RBFOX3: variants seen among roughly 807,000 people sequenced by gnomAD.
RBFOX3 encodes the protein RNA binding fox-1 homolog 3.
In RBFOX3, 17 loss-of-function variants were observed where a neutral mutation model predicts 48.7. The observed-to-expected ratio is 0.35, with a 90% CI of 0.24 to 0.52. The LOEUF (loss-of-function observed/expected upper bound fraction) is 0.52. RBFOX3 is among the 20% of genes least tolerant of loss of function. The pLI, the probability that RBFOX3 is intolerant of heterozygous loss-of-function variation, is 0.94. For synonymous variants in RBFOX3, 212 were observed against 209.5 expected, an observed-to-expected ratio of 1.01 and a Z score of -0.10; for missense variants, 382 against 497.5, an observed-to-expected ratio of 0.77 and a Z score of 2.21.
In RBFOX3 at chr17:79,120,779, C is replaced by T. The variant is rs140699269; in HGVS notation, c.-33-5031G>A. Among the ~76,000 whole-genome samples the T allele has an allele frequency of 9.7e-3, 1,464 of 151,288 alleles. 20 individuals carry two copies. Among genetic ancestry groups the T allele is most frequent in the South Asian group, 0.032 (154 of 4,798 alleles). ...ATGGATAGATGGGTGGATGGATAGA[C>T]GGATGAGTTTAAAGACCATGGATAA... On this transcript the variant is annotated intron_variant, in intron 4 of 14. Transcript: ENST00000693108.
intron 3 of RBFOX3, among the ~76,000 whole-genome samples, chr17:79,247,975 C>T (rs1232965618): frequency 1.3e-5 from 2 of 151,732 alleles, no homozygotes; most frequent in Non-Finnish European, 2.9e-5. Flanking sequence ...GAAACAGAGC[C>T]ACCCTTAGCA....
the RBFOX3 span, among the ~76,000 whole-genome samples, chr17:79,619,496 TCTC>T: frequency 2.6e-5 from 4 of 152,152 alleles, no homozygotes; most frequent in Non-Finnish European, 5.9e-5. Flanking sequence ...CATGCAGCCT[TCTC>T]CTCTGCCCTT....
At chr17:79,664,432 G>GC in the RBFOX3 span, among the ~76,000 whole-genome samples, 1 of 150,964 alleles carries the variant, frequency 6.6e-6, no homozygotes. Context: ...TGCAGGCTCC[G>GC]CCCCCCGGGG....
chr17:79,517,780 ATCAGGAAATT>A (rs2085467490), intron 1 of RBFOX3, among the ~76,000 whole-genome samples: 1 of 152,168 alleles, frequency 6.6e-6, no homozygotes, highest in Admixed American at 6.5e-5. Flanking sequence ...CGACGGAAAC[ATCAGGAAATT>A]TCCGCTTCTG....
chr17:79,361,608 C>A lies in RBFOX3; in HGVS notation c.-174-53784G>T, dbSNP rs923876913. ...AGGGCTTCCCTAAGGGACATGCCAGCCCACGTCCATCTCTCCTCCTCCTCC... is the reference window on the plus strand; with the variant it reads ...AGGGCTTCCCTAAGGGACATGCCAGACCACGTCCATCTCTCCTCCTCCTCC... On this transcript the variant is annotated intron_variant, in intron 2 of 14. Transcript: ENST00000693108. This position sits in a 1 kb window ranked among gnomAD's most constrained non-coding sequence, Gnocchi z 4.5. Among the ~76,000 whole-genome samples the A allele has an allele frequency of 2.0e-5, 3 of 152,178 alleles. No homozygotes were observed. Among genetic ancestry groups the A allele is most frequent in the Admixed American group, 2.0e-4 (3 of 15,290 alleles).
chr17:79,208,998 T>G (rs919350732), intron 4 of RBFOX3, among the ~76,000 whole-genome samples: 2 of 152,078 alleles, frequency 1.3e-5, no homozygotes, highest in African/African-American at 4.8e-5. Flanking sequence ...TGTACTTTTT[T>G]TTAGTAGAGA....
chr17:79,554,143 A>G (rs1461821834), intron 1 of RBFOX3, among the ~76,000 whole-genome samples: 1 of 152,128 alleles, frequency 6.6e-6, no homozygotes, highest in South Asian at 2.1e-4. Context: ...GCCCATTATT[A>G]TTATATTAGT....
intron 1 of RBFOX3, among the ~76,000 whole-genome samples, chr17:79,527,166 G>T (rs2086909011): frequency 6.6e-6 from 1 of 152,268 alleles, no homozygotes; most frequent in African/African-American, 2.4e-5. Context: ...CCAGACAAAG[G>T]AGAATCCTTT....
chr17:79,295,060 C>T (rs1248384027), intron 3 of RBFOX3, among the ~76,000 whole-genome samples: 1 of 152,134 alleles, frequency 6.6e-6, no homozygotes, highest in Non-Finnish European at 1.5e-5. Context: ...TCTAGCTTGC[C>T]TTTCCTAACG....
intron 2 of RBFOX3, among the ~76,000 whole-genome samples, chr17:79,434,044 A>C (rs2068947692): frequency 2.0e-5 from 3 of 152,216 alleles, no homozygotes; most frequent in Non-Finnish European, 2.9e-5. Flanking sequence ...AACACTGGAC[A>C]GCTGTGTTGC....
intron 1 of RBFOX3, among the ~76,000 whole-genome samples, chr17:79,527,893 G>A (rs1013896304): frequency 7.9e-5 from 12 of 152,164 alleles, no homozygotes; most frequent in Admixed American, 5.9e-4. Flanking sequence ...CAAAGAGGCC[G>A]ATGGAGTCCT....
chr17:79,505,840 C>T (rs914498874), intron 1 of RBFOX3, among the ~76,000 whole-genome samples: 9 of 152,194 alleles, frequency 5.9e-5, no homozygotes, highest in African/African-American at 9.7e-5. Flanking sequence ...ACACTAGGCA[C>T]GATGCTGAAT....
At chr17:79,182,720 C>T (rs2052357436) in intron 4 of RBFOX3, among the ~76,000 whole-genome samples, 1 of 151,994 alleles carries the variant, frequency 6.6e-6, no homozygotes, top group Non-Finnish European at 1.5e-5. Flanking sequence ...CAGCCCCCTC[C>T]CCGGCCAGAG....
intron 3 of RBFOX3, among the ~76,000 whole-genome samples, chr17:79,253,345 G>A (rs185576533): frequency 9.7e-4 from 147 of 151,240 alleles, no homozygotes; most frequent in African/African-American, 3.4e-3. Context: ...ATCCAGCTGA[G>A]GTTAAAAAAA....
chr17:79,162,439 C>A (rs992485867), intron 4 of RBFOX3, among the ~76,000 whole-genome samples: 41 of 152,228 alleles, frequency 2.7e-4, no homozygotes, highest in Non-Finnish European at 4.4e-4. Flanking sequence ...GCCCACCACA[C>A]AGAGGACGTC....
chr17:79,627,931 C>T, the RBFOX3 span, among the ~76,000 whole-genome samples: 6 of 151,716 alleles, frequency 4.0e-5, no homozygotes, highest in South Asian at 6.3e-4. Flanking sequence ...CCACGGTCCC[C>T]GTCAACCCCC....
At chr17:79,652,012 C>T in the RBFOX3 span, among the ~76,000 whole-genome samples, 874 of 151,694 alleles carry the variant, frequency 5.8e-3, 43 homozygotes, top group Admixed American at 0.051. Flanking sequence ...GCCCTAGATG[C>T]CCCCAGCCCT....
chr17:79,402,662 T>C (rs1218595698), intron 2 of RBFOX3, among the ~76,000 whole-genome samples: 1 of 152,092 alleles, frequency 6.6e-6, no homozygotes, highest in Non-Finnish European at 1.5e-5. Context: ...CATCTTTGGC[T>C]CTCGGTCTCC....
chr17:79,598,205 G>A (rs1333657643), intron 1 of RBFOX3: 1 of 152,302 alleles, frequency 6.6e-6, no homozygotes, highest in African/African-American at 2.4e-5. Context: ...AGGTGCAGGG[G>A]CCTCAGGTGC....
Sources: allele counts gnomAD v4.1 joint callset (sites outside exome capture counted in the v4.1 genomes callset), GRCh38; gene constraint gnomAD v4.1.1; non-coding constraint Gnocchi (gnomAD v3.1); transcripts MANE v1.5; gene names NCBI Gene and HGNC (gene_info 2026-07-23, HGNC 2026-07-21).